The following KIAA1328 variants were observed in gnomAD, a reference collection of about 807,000 sequenced individuals.
The protein encoded by KIAA1328 is KIAA1328.
In KIAA1328, 52 loss-of-function variants were observed where a neutral mutation model predicts 68.1. That is an observed-to-expected ratio of 0.76 (90% CI 0.61 to 0.96). The LOEUF (loss-of-function observed/expected upper bound fraction) is 0.96. KIAA1328 is among the 40% of genes least tolerant of loss of function. The probability of loss-of-function intolerance (pLI) is 0.00; values close to 1 mark genes in which losing one functional copy is unlikely to be tolerated. For synonymous variants in KIAA1328, 232 were observed against 239.4 expected (o/e 0.97, Z 0.28); for missense variants, 641 against 677.6 (o/e 0.95, Z 0.60).
At chr18:36,980,153 C>G (rs1222299702) in intron 6 of KIAA1328, among the ~76,000 whole-genome samples, 1 of 152,172 alleles carries the variant, frequency 6.6e-6, no homozygotes, top group African/African-American at 2.4e-5. Flanking sequence ...ATTTCACCAT[C>G]TCCTGAACTA....
chr18:36,842,651 T>TAACACA (rs2046896490), intron 3 of KIAA1328, among the ~76,000 whole-genome samples: 1 of 152,006 alleles, frequency 6.6e-6, no homozygotes, highest in African/African-American at 2.4e-5. Flanking sequence ...TTGCTGTTGT[T>TAACACA]AACACAATGC....
chr18:37,075,243 G>A (rs893876936), intron 7 of KIAA1328: 1 of 151,990 alleles, frequency 6.6e-6, no homozygotes, highest in African/African-American at 2.4e-5. Context: ...AGCTTCATAA[G>A]TGAAGGAGAA....
At chr18:36,940,987 T>G (rs1379962054) in intron 5 of KIAA1328, among the ~76,000 whole-genome samples, 1 of 152,144 alleles carries the variant, frequency 6.6e-6, no homozygotes, top group Non-Finnish European at 1.5e-5. Context: ...TGCTCATTTT[T>G]CTTATGCGAC....
chr18:37,077,996 A>G (rs1206429481), intron 7 of KIAA1328, among the ~76,000 whole-genome samples: 1 of 152,190 alleles, frequency 6.6e-6, no homozygotes, highest in Non-Finnish European at 1.5e-5. Flanking sequence ...TTCATATGGA[A>G]CCAAAAAAGA....
At chr18:36,871,204 T>C (rs2047934051) in intron 4 of KIAA1328, among the ~76,000 whole-genome samples, 1 of 152,188 alleles carries the variant, frequency 6.6e-6, no homozygotes, top group Non-Finnish European at 1.5e-5. Flanking sequence ...ATACCTCACA[T>C]CAGCCTAATA....
intron 4 of KIAA1328, among the ~76,000 whole-genome samples, chr18:36,865,739 T>G (rs143306727): frequency 6.6e-6 from 1 of 152,268 alleles, no homozygotes; most frequent in East Asian, 1.9e-4. Flanking sequence ...AGCACACCAG[T>G]TCAGGATACA....
chr18:36,911,567 A>T (rs915595002), intron 5 of KIAA1328, among the ~76,000 whole-genome samples: 1 of 152,116 alleles, frequency 6.6e-6, no homozygotes, highest in Non-Finnish European at 1.5e-5. Flanking sequence ...AAACTACTTT[A>T]CTTTCTTACA....
intron 1 of KIAA1328, among the ~76,000 whole-genome samples, chr18:36,830,133 G>A (rs2046418465): frequency 1.3e-5 from 2 of 152,208 alleles, no homozygotes; most frequent in Admixed American, 1.3e-4. Context: ...ACCTTTGGCA[G>A]AATCACTGGG....
chr18:36,982,214 T>G (rs936902262), intron 6 of KIAA1328, among the ~76,000 whole-genome samples: 1 of 147,664 alleles, frequency 6.8e-6, no homozygotes, highest in Non-Finnish European at 1.5e-5. Context: ...AGCAGAAAAC[T>G]TTTGAAGAAA....
chr18:37,130,799 A>G (rs2058504195), intron 7 of KIAA1328, among the ~76,000 whole-genome samples: 1 of 152,142 alleles, frequency 6.6e-6, no homozygotes, highest in African/African-American at 2.4e-5. Context: ...TCATAATACA[A>G]TTAGAAGATT....
intron 7 of KIAA1328, among the ~76,000 whole-genome samples, chr18:37,152,107 A>AC (rs2059046206): frequency 6.6e-6 from 1 of 151,798 alleles, no homozygotes; most frequent in African/African-American, 2.4e-5. Context: ...AAAAAAAAAA[A>AC]AAAAAAAAAA....
chr18:36,934,904 T>C (rs985543490), intron 5 of KIAA1328, among the ~76,000 whole-genome samples: 3 of 152,240 alleles, frequency 2.0e-5, no homozygotes, highest in Admixed American at 1.3e-4. Flanking sequence ...TATGTGCTTT[T>C]ATTTACATAT....
intron 5 of KIAA1328, among the ~76,000 whole-genome samples, chr18:36,906,795 CAGTT>C (rs1027433161): frequency 3.9e-5 from 6 of 152,044 alleles, no homozygotes; most frequent in Non-Finnish European, 7.4e-5. Context: ...GTTTTCCAAT[CAGTT>C]AGGTAAATAC....
intron 7 of KIAA1328, among the ~76,000 whole-genome samples, chr18:37,114,214 C>T (rs548862674): frequency 6.6e-6 from 1 of 152,342 alleles, no homozygotes; most frequent in Non-Finnish European, 1.5e-5. Flanking sequence ...ACATTCTTCT[C>T]AGCACCACGT....
intron 5 of KIAA1328, among the ~76,000 whole-genome samples, chr18:36,931,823 A>G (rs1456074575): frequency 2.2e-5 from 2 of 89,954 alleles, no homozygotes; most frequent in African/African-American, 7.0e-5. Context: ...TACCAAGCTT[A>G]GCTATTTCAT....
chr18:37,060,883 C>T (rs1325350935), intron 6 of KIAA1328, among the ~76,000 whole-genome samples: 5 of 152,052 alleles, frequency 3.3e-5, no homozygotes, highest in African/African-American at 7.2e-5. Flanking sequence ...TTTGGGAGGC[C>T]GAGGCAGGTG....
intron 6 of KIAA1328, among the ~76,000 whole-genome samples, chr18:37,015,925 A>G (rs753624653): frequency 6.6e-6 from 1 of 152,194 alleles, no homozygotes; most frequent in Admixed American, 6.5e-5. Flanking sequence ...TTTCCTGGAT[A>G]TAGAATCATA....
At chr18:37,193,111 C>A (rs977758492) in intron 9 of KIAA1328, among the ~76,000 whole-genome samples, 2 of 152,076 alleles carry the variant, frequency 1.3e-5, no homozygotes, top group Non-Finnish European at 2.9e-5. Flanking sequence ...ATGCCATGAA[C>A]CTTGATTGGT....
At chr18:36,958,779 G>C (rs1181430411) in intron 5 of KIAA1328, among the ~76,000 whole-genome samples, 1 of 151,492 alleles carries the variant, frequency 6.6e-6, no homozygotes, top group Non-Finnish European at 1.5e-5. Flanking sequence ...TCATTCAGGG[G>C]GTTGTTTTTT....
Sources: allele counts gnomAD v4.1 joint callset (sites outside exome capture counted in the v4.1 genomes callset), GRCh38; gene constraint gnomAD v4.1.1; transcripts MANE v1.5; gene names NCBI Gene and HGNC (gene_info 2026-07-23, HGNC 2026-07-21).